DEPTOR: variants seen among roughly 807,000 people sequenced by gnomAD.
DEPTOR encodes DEP domain containing MTOR interacting protein, also known as DEP domain-containing mTOR-interacting protein.
DEPTOR carries 41 observed loss-of-function variants against 41.6 expected under a neutral mutation model. The ratio of observed to expected loss-of-function variants is 0.98; its 90% confidence interval spans 0.77 to 1.28. The LOEUF is 1.28. DEPTOR is among the 50% of genes most tolerant of loss of function. The pLI is 0.00. For missense variants in DEPTOR, 514 were observed against 527.9 expected (o/e 0.97, Z 0.26); for synonymous variants, 195 against 192.3 (o/e 1.01, Z -0.12).
At chr8:119,883,578 C>G (rs904030034) in intron 1 of DEPTOR, among the ~76,000 whole-genome samples, 11 of 151,700 alleles carry the variant, frequency 7.3e-5, no homozygotes, top group African/African-American at 2.4e-4. Context: ...GTCATGGCCT[C>G]TAGCTTGGGG....
At chr8:119,985,551 T>C (rs1312928089) in intron 4 of DEPTOR, among the ~76,000 whole-genome samples, 2 of 152,178 alleles carry the variant, frequency 1.3e-5, no homozygotes, top group Admixed American at 6.5e-5. Flanking sequence ...AGCTCTTTAG[T>C]TTAATTAGAT....
At chr8:119,910,740 C>T (rs1420104812) in intron 1 of DEPTOR, among the ~76,000 whole-genome samples, 1 of 152,114 alleles carries the variant, frequency 6.6e-6, no homozygotes, top group African/African-American at 2.4e-5. Context: ...TGCGCCCAGC[C>T]CCCAGGCTTC....
intron 4 of DEPTOR, among the ~76,000 whole-genome samples, chr8:119,988,492 TA>T (rs57596886): frequency 0.29 from 43,447 of 151,998 alleles, 6,472 homozygotes; most frequent in South Asian, 0.39. Flanking sequence ...ATTTTACAAA[TA>T]TTTTTTTGAG....
chr8:119,894,412 T>TTTATTTATTTATTTATTGATTTA (rs1554671423), intron 1 of DEPTOR, among the ~76,000 whole-genome samples: 1 of 148,654 alleles, frequency 6.7e-6, no homozygotes, highest in South Asian at 2.1e-4. Flanking sequence ...TTATTTATTT[T>TTTATTTATTTATTTATTGATTTA]TTGAGACAGA....
chr8:120,040,087 G>T (rs935157859), intron 8 of DEPTOR, among the ~76,000 whole-genome samples: 1 of 151,984 alleles, frequency 6.6e-6, no homozygotes, highest in African/African-American at 2.4e-5. Context: ...CAAGTGATGC[G>T]CCTGCCTCGG....
chr8:119,895,026 T>G (rs746671657), intron 1 of DEPTOR, among the ~76,000 whole-genome samples: 10 of 152,186 alleles, frequency 6.6e-5, no homozygotes, highest in Non-Finnish European at 1.2e-4. Flanking sequence ...GTGAGGTATA[T>G]TTTTCTCACA....
intron 1 of DEPTOR, among the ~76,000 whole-genome samples, chr8:119,911,191 A>G (rs1051879798): frequency 6.6e-6 from 1 of 151,956 alleles, no homozygotes; most frequent in Non-Finnish European, 1.5e-5. Flanking sequence ...TTGCTCAGCT[A>G]TCCATTGTCT....
chr8:119,883,473 TAAAAA>T (rs386413817), intron 1 of DEPTOR, among the ~76,000 whole-genome samples: 3 of 112,120 alleles, frequency 2.7e-5, no homozygotes, highest in African/African-American at 1.1e-4. Context: ...AGACTCGTCT[TAAAAA>T]AAAAAAAAAA....
chr8:119,991,253 C>G (rs909951338), intron 4 of DEPTOR, among the ~76,000 whole-genome samples: 6 of 151,882 alleles, frequency 4.0e-5, no homozygotes, highest in Admixed American at 3.9e-4. Flanking sequence ...CAATAGTTAT[C>G]TTTTCTTCTC....
intron 1 of DEPTOR, among the ~76,000 whole-genome samples, chr8:119,916,192 T>A (rs960991096): frequency 1.6e-4 from 24 of 151,904 alleles, no homozygotes; most frequent in Non-Finnish European, 2.8e-4. Flanking sequence ...CTCCACCTTC[T>A]GGGTTCAAGT....
At chr8:119,883,246 G>C (rs539904170) in intron 1 of DEPTOR, among the ~76,000 whole-genome samples, 1 of 151,930 alleles carries the variant, frequency 6.6e-6, no homozygotes, top group South Asian at 2.1e-4. Context: ...AGGCCGAGGC[G>C]GGCGGATCAC....
chr8:120,001,457 T>G (rs1812348925), intron 4 of DEPTOR, 68 bp from the exon 5 acceptor site: 2 of 1,417,284 alleles, frequency 1.4e-6, no homozygotes, highest in African/African-American at 1.4e-5. Context: ...CTGCAGTCCT[T>G]TGGCTGTAGC....
chr8:119,981,652 CAAA>C (rs33975978), intron 4 of DEPTOR, among the ~76,000 whole-genome samples: 3 of 136,870 alleles, frequency 2.2e-5, no homozygotes, highest in Admixed American at 7.4e-5. Flanking sequence ...GACCCTATCT[CAAA>C]AAAAAAAAAA....
chr8:120,014,258 T>A (rs1158481651), intron 8 of DEPTOR, among the ~76,000 whole-genome samples: 2 of 152,208 alleles, frequency 1.3e-5, no homozygotes, highest in Non-Finnish European at 2.9e-5. Context: ...TTTCCTTTGA[T>A]GACTTTTCAC....
intron 4 of DEPTOR, among the ~76,000 whole-genome samples, chr8:119,979,988 G>A (rs998763781): frequency 1.3e-5 from 2 of 152,102 alleles, no homozygotes; most frequent in South Asian, 2.1e-4. Context: ...CATCTTCTAT[G>A]GCAAATGGCT....
At chr8:120,025,029 T>G (rs1053549327) in intron 8 of DEPTOR, among the ~76,000 whole-genome samples, 3 of 152,224 alleles carry the variant, frequency 2.0e-5, no homozygotes, top group Non-Finnish European at 4.4e-5. Context: ...TGGCAGGTAC[T>G]GAGGATCCAG....
chr8:119,920,813 G>A (rs1827880874), intron 1 of DEPTOR, among the ~76,000 whole-genome samples: 1 of 152,108 alleles, frequency 6.6e-6, no homozygotes, highest in African/African-American at 2.4e-5. Context: ...GCTTGGAAGA[G>A]AAACTGGAAA....
intron 1 of DEPTOR, among the ~76,000 whole-genome samples, chr8:119,924,756 T>C (rs1380417110): frequency 4.6e-5 from 7 of 152,154 alleles, no homozygotes; most frequent in African/African-American, 1.7e-4. Context: ...TTTATTTTCG[T>C]TTCAGGGAAT....
intron 4 of DEPTOR, among the ~76,000 whole-genome samples, chr8:119,970,173 C>T (rs936492702): frequency 6.6e-6 from 1 of 152,118 alleles, no homozygotes; most frequent in Non-Finnish European, 1.5e-5. Flanking sequence ...CACATCTATA[C>T]ATATTTGTCT....
Sources: gnomAD v4.1 joint callset for allele counts (sites outside exome capture counted in the v4.1 genomes callset) on GRCh38, gnomAD v4.1.1 for gene constraint, MANE v1.5 for transcripts, NCBI Gene and HGNC (gene_info 2026-07-23, HGNC 2026-07-21) for gene names.